Variants in MKRN1 observed in about 807,000 individuals in gnomAD.
MKRN1 encodes the protein E3 ubiquitin-protein ligase makorin-1.
MKRN1 carries 9 observed loss-of-function variants against 55.5 expected under a neutral mutation model. The observed-to-expected ratio is 0.16, with a 90% confidence interval of 0.10 to 0.28. The LOEUF is 0.28. Among genes scored for constraint, MKRN1 ranks in the 10% least tolerant of loss-of-function variants. The pLI is 1.00. For missense variants in MKRN1, 488 were observed against 626.7 expected (o/e 0.78, Z 2.36); for synonymous variants, 253 against 235.9 (o/e 1.07, Z -0.66).
intron 1 of MKRN1, among the ~76,000 whole-genome samples, chr7:140,474,978 C>A (rs1177400707): frequency 6.6e-6 from 1 of 151,924 alleles, no homozygotes; most frequent in Non-Finnish European, 1.5e-5. Context: ...CTTGGCCTCC[C>A]AAAGTACTAG....
chr7:140,464,532 G>A (rs1041019609), intron 2 of MKRN1, among the ~76,000 whole-genome samples: 9 of 152,052 alleles, frequency 5.9e-5, no homozygotes, highest in East Asian at 1.9e-4. Context: ...GAGAAACCCC[G>A]TGTCTACTAA....
intron 2 of MKRN1, among the ~76,000 whole-genome samples, chr7:140,460,898 G>A (rs981441517): frequency 2.0e-5 from 3 of 152,250 alleles, no homozygotes; most frequent in Non-Finnish European, 2.9e-5. Context: ...TTAAAGGAAT[G>A]TGTAACTGTT....
chr7:140,477,034 GT>G (rs1197433204), intron 1 of MKRN1, among the ~76,000 whole-genome samples: 2 of 149,852 alleles, frequency 1.3e-5, no homozygotes, highest in African/African-American at 5.0e-5. Context: ...GGAGGCGGGG[GT>G]TGTGGTAAGT....
At chr7:140,466,528 G>A (rs1275319139) in intron 2 of MKRN1, among the ~76,000 whole-genome samples, 1 of 152,136 alleles carries the variant, frequency 6.6e-6, no homozygotes, top group Non-Finnish European at 1.5e-5. Context: ...CTTAAGGCCG[G>A]GCGCGGTGGC....
chr7:140,470,884 T>A (rs1375052092), intron 2 of MKRN1, among the ~76,000 whole-genome samples: 1 of 152,130 alleles, frequency 6.6e-6, no homozygotes, highest in Non-Finnish European at 1.5e-5. Flanking sequence ...GCCACTGCAC[T>A]CCAGCCTGGG....
At chr7:140,457,418 C>T (rs990585689) in intron 4 of MKRN1, among the ~76,000 whole-genome samples, 1 of 152,058 alleles carries the variant, frequency 6.6e-6, no homozygotes, top group African/African-American at 2.4e-5. Context: ...TTTGTGTGGA[C>T]ATCATATTTT....
At chr7:140,477,012 CAATT>C (rs1268028108) in intron 1 of MKRN1, among the ~76,000 whole-genome samples, 2 of 147,524 alleles carry the variant, frequency 1.4e-5, no homozygotes, top group East Asian at 2.0e-4. Flanking sequence ...GCAGGAGAAT[CAATT>C]AAACCTGGGA....
intron 2 of MKRN1, among the ~76,000 whole-genome samples, chr7:140,470,419 T>C (rs1185864220): frequency 6.6e-6 from 1 of 150,996 alleles, no homozygotes; most frequent in African/African-American, 2.4e-5. Flanking sequence ...ACTCCGTCTC[T>C]ACTAAAAATA....
Position 140,455,218 on chromosome 7 carries a change from C to A in MKRN1, c.1113G>T (p.Arg371Ser). The change falls in exon 7 of 8, where the codon AGG becomes AGT. Residue 371 changes from arginine (R) to serine (S), a missense_variant. By Grantham distance (110) the Arg-to-Ser change is moderately radical. Coordinates refer to ENST00000255977, the MANE Select transcript of MKRN1 (RefSeq NM_013446.4). ...YKEAMSNKAC[R>S]YFDEGRGSCP... is the part of the protein sequence containing the mutation. ...AGCTCCCACGTCCTTCATCAAAATACCTGCACGCCTTGTTGCTGGAAAGGA... is the reference window on the plus strand; with the variant it reads ...AGCTCCCACGTCCTTCATCAAAATAACTGCACGCCTTGTTGCTGGAAAGGA... The A allele has an allele frequency of 6.2e-7, 1 of 1,614,100 alleles. No homozygotes were observed. Among genetic ancestry groups the A allele is most frequent in the Non-Finnish European group, 8.5e-7 (1 of 1,180,026 alleles).
chr7:140,467,821 G>A (rs929645727), intron 2 of MKRN1, among the ~76,000 whole-genome samples: 1 of 151,632 alleles, frequency 6.6e-6, no homozygotes. Context: ...TGACCAACAC[G>A]GAGAAACCCC....
chr7:140,479,324 G>A lies in MKRN1; in HGVS notation c.21C>T (p.Pro7=). MAEAAT[P]GTTATTSGAG... ...CTCCTGATGTTGTGGCTGTTGTTCC[G>A]GGAGTTGCAGCCTCCGCCATTACTG... is the stretch of plus-strand genomic sequence containing the variant. Residue 7 remains proline (P), a synonymous_variant, in exon 1 of 8, where the codon CCC becomes CCT. Coordinates refer to ENST00000255977, the MANE Select transcript of MKRN1 (RefSeq NM_013446.4). 7.6e-7 allele frequency: 1 copy of A among 1,308,538 alleles called. No individual in the cohort carries two copies. The allele number at this position is 1,308,538 out of a possible 1,614,324, so 81.1% of individuals were successfully genotyped here.
At chr7:140,461,557 C>G (rs1486440871) in intron 2 of MKRN1, among the ~76,000 whole-genome samples, 1 of 151,858 alleles carries the variant, frequency 6.6e-6, no homozygotes, top group African/African-American at 2.4e-5. Context: ...GTTGTTTAAA[C>G]ATGGGAGGTG....
In MKRN1 at chr7:140,471,908, A is replaced by C. The variant is rs763329575; in HGVS notation, c.289T>G (p.Tyr97Asp). The change falls in exon 2 of 8, where the codon TAC becomes GAC. Residue 97 changes from tyrosine (Y) to aspartate (D), a missense_variant. Physicochemically the swap from Tyr to Asp is radical, Grantham distance 160 (BLOSUM62 -3). Transcript: ENST00000255977. ...CTGCAGCGGTCTCCATAAATACAGT[A>C]CCCTCGCTGAAAATACTTGCACACT... ...SVVCKYFQRG[Y>D]CIYGDRCRYE... 7.4e-6 allele frequency: 12 copies of C among 1,614,006 alleles called. No individual in the cohort carries two copies. In the Admixed American group the frequency reaches 1.8e-4, roughly 25 times the overall value.
At chr7:140,471,794 T>A in intron 2 of MKRN1, 89 bp downstream of exon 2, 1 of 1,508,364 alleles carries the variant, frequency 6.6e-7, no homozygotes, top group African/African-American at 1.4e-5. Flanking sequence ...GCATTATTTT[T>A]AATCAGTGAC....
At chr7:140,463,607 T>C (rs117821902) in intron 2 of MKRN1, among the ~76,000 whole-genome samples, 4,359 of 152,156 alleles carry the variant, frequency 0.029, 131 homozygotes, top group East Asian at 0.13. Context: ...CAGCCCAGGC[T>C]GGACGCGGTG....
At chr7:140,460,172 A>G (rs931781138) in intron 2 of MKRN1, 20 of 472,974 alleles carry the variant, frequency 4.2e-5, no homozygotes, top group African/African-American at 1.4e-4. Context: ...ACTTGAACCC[A>G]GGAGACAGAG....
chr7:140,467,603 T>A (rs993855116), intron 2 of MKRN1, among the ~76,000 whole-genome samples: 4 of 152,130 alleles, frequency 2.6e-5, no homozygotes, highest in African/African-American at 9.7e-5. Flanking sequence ...GCCATCTGCA[T>A]CTGCCTCAAC....
chr7:140,479,129 G>A, intron 1 of MKRN1, 31 bp downstream of exon 1: 2 of 1,292,146 alleles, frequency 1.5e-6, no homozygotes, highest in South Asian at 4.9e-5. Context: ...CCCCCTCCCC[G>A]CGCCCGGCGC....
At chr7:140,463,009 C>T (rs182005789) in intron 2 of MKRN1, among the ~76,000 whole-genome samples, 4 of 151,858 alleles carry the variant, frequency 2.6e-5, no homozygotes, top group Admixed American at 6.5e-5. Flanking sequence ...CCTGTAATCC[C>T]AGCACTCTGG....
Sources: allele counts gnomAD v4.1 joint callset (sites outside exome capture counted in the v4.1 genomes callset), GRCh38; gene constraint gnomAD v4.1.1; transcripts MANE v1.5; gene names NCBI Gene and HGNC (gene_info 2026-07-23, HGNC 2026-07-21).